KDM2A: variants seen among roughly 807,000 people sequenced by gnomAD.
KDM2A encodes the protein lysine demethylase 2A.
KDM2A carries 3 observed loss-of-function variants against 137.3 expected under a neutral mutation model. That is an observed-to-expected ratio of 0.02 (90% CI 0.01 to 0.06). KDM2A has a LOEUF of 0.06. Among genes scored for constraint, KDM2A ranks in the 10% least tolerant of loss-of-function variants. The probability of loss-of-function intolerance (pLI) is 1.00; values close to 1 mark genes in which losing one functional copy is unlikely to be tolerated. For synonymous variants in KDM2A, 512 were observed against 541.5 expected (o/e 0.95, Z 0.76); for missense variants, 738 against 1,510.6 (o/e 0.49, Z 8.48).
intron 12 of KDM2A, chr11:67,240,146 AGAGCGCTGCACGCT>A: frequency 6.9e-7 from 1 of 1,444,926 alleles, no homozygotes; most frequent in South Asian, 1.4e-5. Flanking sequence ...GAAGGAGCCC[AGAGCGCTGCACGCT>A]GCTCCCTCTG....
intron 15 of KDM2A, among the ~76,000 whole-genome samples, chr11:67,247,058 TATATA>T (rs1859251889): frequency 3.2e-5 from 1 of 30,902 alleles, no homozygotes; most frequent in African/African-American, 1.5e-4. Context: ...TATATATATA[TATATA>T]TATATATATT....
rs368510719 is a variant in KDM2A, at chr11:67,133,236, A to G, written c.42+11878A>G. ...TGCCTCAGCCTCCCAGGTAGCTGGG[A>G]TTACAGGCGTGCGCCACCACACTGC... On this transcript the variant is annotated intron_variant, in intron 2 of 20. Transcript: ENST00000529006. Among the ~76,000 whole-genome samples, 140 of 152,042 alleles carry G rather than the reference A, an allele frequency of 9.2e-4. 4 individuals are homozygous for G. The South Asian group carries it at 0.028, about 30-fold the overall frequency.
chr11:67,193,529 C>T (rs1857405982), intron 5 of KDM2A, among the ~76,000 whole-genome samples: 1 of 152,122 alleles, frequency 6.6e-6, no homozygotes, highest in Non-Finnish European at 1.5e-5. Flanking sequence ...GAGTCACAGC[C>T]ATGTTGTTGG....
intron 2 of KDM2A, among the ~76,000 whole-genome samples, chr11:67,123,361 C>T (rs942947418): frequency 1.0e-4 from 15 of 145,416 alleles, no homozygotes; most frequent in African/African-American, 3.6e-4. Flanking sequence ...GCATATATTC[C>T]GGTGAGCCTA....
chr11:67,121,697 T>C (rs1301391718), intron 2 of KDM2A, among the ~76,000 whole-genome samples: 1 of 152,236 alleles, frequency 6.6e-6, no homozygotes, highest in African/African-American at 2.4e-5. Context: ...TAGATTAGAA[T>C]ATAAATTTTG....
At position 67,253,534 on chromosome 11, in the gene KDM2A, C is replaced by T; in HGVS notation, c.3014C>T (p.Thr1005Ile). ...LSTSSCPLLR[T>I]LDLRWAVGIK... ...ACCTCCAGCTGCCCCCTTCTCAGGA[C>T]CCTTGATCTTCGGTGGGCAGTAGGA... is the stretch of plus-strand genomic sequence containing the variant. The change falls in exon 19 of 21, where the codon ACC becomes ATC. Residue 1005 changes from threonine (T) to isoleucine (I), a missense_variant. This residue lies in a region of KDM2A where 166 missense variants were observed against 324.0 expected (regional missense o/e 0.51). Coordinates refer to ENST00000529006, the MANE Select transcript of KDM2A (RefSeq NM_012308.3). 1 of 1,613,990 alleles carries T rather than the reference C, an allele frequency of 6.2e-7. No individual in the cohort carries two copies. Among genetic ancestry groups the T allele is most frequent in the Non-Finnish European group, 8.5e-7 (1 of 1,179,868 alleles).
In KDM2A at chr11:67,254,821, A is replaced by G; in HGVS notation, c.3308-53A>G. ...AAGACGGCTACAGGAATTGAATGGCAGAGGAAAGCTGTGTGTATGTGAGCA... is the reference window on the plus strand; with the variant it reads ...AAGACGGCTACAGGAATTGAATGGCGGAGGAAAGCTGTGTGTATGTGAGCA... On this transcript the variant is annotated intron_variant, in intron 20 of 20. Coordinates refer to ENST00000529006, the MANE Select transcript of KDM2A (RefSeq NM_012308.3). This position sits in a 1 kb window ranked among gnomAD's most constrained non-coding sequence, Gnocchi z 4.7. 6.7e-7 allele frequency: 1 copy of G among 1,491,352 alleles called. No individual in the cohort carries two copies. The highest frequency in any genetic ancestry group is 1.2e-5 in the South Asian group (1 of 86,508). 92.4% of individuals were successfully genotyped at this position (1,491,352 alleles called of 1,614,324 possible).
chr11:67,202,270 G>T (rs948335853), intron 5 of KDM2A, among the ~76,000 whole-genome samples: 4 of 152,150 alleles, frequency 2.6e-5, no homozygotes, highest in African/African-American at 9.7e-5. Flanking sequence ...TGGTGGAGAT[G>T]CTGTAAACAT....
intron 2 of KDM2A, among the ~76,000 whole-genome samples, chr11:67,131,317 T>TC (rs1333856020): frequency 6.6e-6 from 1 of 151,332 alleles, no homozygotes; most frequent in Non-Finnish European, 1.5e-5. Context: ...AGAGCGAAAC[T>TC]CCGTCTCAAA....
intron 10 of KDM2A, among the ~76,000 whole-genome samples, chr11:67,221,926 C>G (rs1279603544): frequency 2.0e-5 from 3 of 147,520 alleles, no homozygotes; most frequent in Non-Finnish European, 4.5e-5. Flanking sequence ...AAGAGTGAGA[C>G]ACAGTCTGTT....
chr11:67,130,803 A>G (rs1855837789), intron 2 of KDM2A, among the ~76,000 whole-genome samples: 1 of 151,754 alleles, frequency 6.6e-6, no homozygotes, highest in African/African-American at 2.4e-5. Context: ...TTTCATATAT[A>G]TTACCTTATT....
chr11:67,222,650 C>T, intron 10 of KDM2A, among the ~76,000 whole-genome samples: 1 of 128,790 alleles, frequency 7.8e-6, no homozygotes, highest in African/African-American at 3.0e-5. Flanking sequence ...GTAGGGGCGG[C>T]CGGGCAGAGG....
At chr11:67,154,687 C>T (rs937331700) in intron 2 of KDM2A, among the ~76,000 whole-genome samples, 4 of 152,120 alleles carry the variant, frequency 2.6e-5, no homozygotes, top group African/African-American at 7.2e-5. Flanking sequence ...GATCCACCTG[C>T]CTTGGCCTCC....
chr11:67,164,517 C>T (rs879841083), intron 2 of KDM2A, among the ~76,000 whole-genome samples: 7 of 151,572 alleles, frequency 4.6e-5, no homozygotes, highest in Non-Finnish European at 7.4e-5. Flanking sequence ...GGACATTGCT[C>T]TTTTACCCAG....
At chr11:67,183,828 G>A (rs185107440) in intron 5 of KDM2A, among the ~76,000 whole-genome samples, 151 of 152,268 alleles carry the variant, frequency 9.9e-4, no homozygotes, top group Non-Finnish European at 1.9e-3. Context: ...GGCAGGTGGG[G>A]CCAGGCACAG....
chr11:67,154,058 C>T (rs1465715556), intron 2 of KDM2A, among the ~76,000 whole-genome samples: 4 of 152,086 alleles, frequency 2.6e-5, no homozygotes, highest in Middle Eastern at 3.2e-3. Flanking sequence ...TCCATAATGT[C>T]TAATATTTAG....
At chr11:67,135,799 G>A (rs1445008136) in intron 2 of KDM2A, among the ~76,000 whole-genome samples, 1 of 152,036 alleles carries the variant, frequency 6.6e-6, no homozygotes, top group African/African-American at 2.4e-5. Context: ...CTACATGTTG[G>A]GTAATCCCAA....
chr11:67,239,863 C>T (rs1023680805), intron 12 of KDM2A, among the ~76,000 whole-genome samples: 2 of 152,224 alleles, frequency 1.3e-5, no homozygotes, highest in Admixed American at 1.3e-4. Flanking sequence ...TCTCCTATTG[C>T]AGTGGTGGTG....
At chr11:67,192,483 T>TC (rs1444636653) in intron 5 of KDM2A, among the ~76,000 whole-genome samples, 4,406 of 126,562 alleles carry the variant, frequency 0.035, 712 homozygotes, top group African/African-American at 0.17. Flanking sequence ...TCTCTCTTGG[T>TC]GCCCTGACTG....
Sources: allele counts gnomAD v4.1 joint callset (sites outside exome capture counted in the v4.1 genomes callset), GRCh38; gene constraint gnomAD v4.1.1; regional missense constraint gnomAD v4.1.1; non-coding constraint Gnocchi (gnomAD v3.1); transcripts MANE v1.5; gene names NCBI Gene and HGNC (gene_info 2026-07-23, HGNC 2026-07-21).